LMX1A: variants seen among roughly 807,000 people sequenced by gnomAD.
LMX1A encodes LIM homeobox transcription factor 1-alpha.
In LMX1A, 15 loss-of-function variants were observed where a neutral mutation model predicts 49.1. The observed-to-expected ratio is 0.31, with a 90% confidence interval of 0.20 to 0.47. The LOEUF is 0.47. Among genes scored for constraint, LMX1A ranks in the 20% least tolerant of loss-of-function variants. The pLI is 1.00. For synonymous variants in LMX1A, 167 were observed against 185.7 expected (o/e 0.90, Z 0.82); for missense variants, 372 against 475.8 (o/e 0.78, Z 2.03).
chr1:165,292,937 TG>T (rs1485975900), intron 3 of LMX1A, among the ~76,000 whole-genome samples: 1 of 152,032 alleles, frequency 6.6e-6, no homozygotes, highest in Non-Finnish European at 1.5e-5. Context: ...GCAAACATAG[TG>T]AAACCATGTC....
rs1379135962 is a variant in LMX1A at position 165,208,022 on chromosome 1, G to A, written c.817+41C>T. On this transcript the variant is annotated intron_variant, in intron 7 of 8. Coordinates refer to ENST00000342310, the MANE Select transcript of LMX1A (RefSeq NM_177398.4). ...GGGAGGCCTCTGGTAGGAACAGCCT[G>A]GATTCCAGCCAGAACTGCCTGGGAG... 6 of 1,583,008 alleles carry A rather than the reference G, an allele frequency of 3.8e-6. No homozygotes were observed. The East Asian group carries it at 1.1e-4, about 30-fold the overall frequency.
intron 2 of LMX1A, among the ~76,000 whole-genome samples, chr1:165,354,399 C>A (rs1203955052): frequency 3.3e-5 from 5 of 152,150 alleles, no homozygotes; most frequent in Non-Finnish European, 7.3e-5. Flanking sequence ...TGAGAGCGAA[C>A]GTGGGCCGAG....
chr1:165,211,625 T>C (rs561640435), intron 5 of LMX1A, among the ~76,000 whole-genome samples: 43 of 152,316 alleles, frequency 2.8e-4, no homozygotes, highest in African/African-American at 1.0e-3. Flanking sequence ...ATACTTCCCC[T>C]TTATCATGCC....
intron 3 of LMX1A, among the ~76,000 whole-genome samples, chr1:165,273,370 A>C (rs767241510): frequency 6.6e-6 from 1 of 152,188 alleles, no homozygotes; most frequent in Non-Finnish European, 1.5e-5. Flanking sequence ...GCACCTCCTA[A>C]CAGCAAGTCC....
chr1:165,251,378 A>T (rs1052024682), intron 3 of LMX1A, among the ~76,000 whole-genome samples: 4 of 152,168 alleles, frequency 2.6e-5, no homozygotes, highest in Admixed American at 2.6e-4. Context: ...CCACTGCTCC[A>T]GGCTTGAATG....
intron 3 of LMX1A, among the ~76,000 whole-genome samples, chr1:165,322,109 A>G (rs1655404957): frequency 6.6e-6 from 1 of 152,186 alleles, no homozygotes; most frequent in Non-Finnish European, 1.5e-5. Context: ...GGAAATGCAA[A>G]TCAAAACCAG....
chr1:165,239,263 A>G (rs76622524), intron 4 of LMX1A, among the ~76,000 whole-genome samples: 5 of 152,388 alleles, frequency 3.3e-5, no homozygotes, highest in African/African-American at 1.2e-4. Context: ...TTTCAAAAAT[A>G]AAGTATGGTC....
intron 3 of LMX1A, among the ~76,000 whole-genome samples, chr1:165,296,652 G>A (rs1032721236): frequency 6.6e-6 from 1 of 152,210 alleles, no homozygotes; most frequent in African/African-American, 2.4e-5. Context: ...CCCCACCCAA[G>A]GTTCCTATAT....
intron 3 of LMX1A, among the ~76,000 whole-genome samples, chr1:165,330,720 A>G (rs993193713): frequency 6.6e-6 from 1 of 152,230 alleles, no homozygotes. Context: ...TAAGAAACTC[A>G]GATGGAAAAC....
chr1:165,343,379 G>A (rs1208228652), intron 3 of LMX1A, among the ~76,000 whole-genome samples: 1 of 150,952 alleles, frequency 6.6e-6, no homozygotes, highest in African/African-American at 2.4e-5. Context: ...CTATGTATAA[G>A]CTTTTACTCA....
At chr1:165,225,023 G>A (rs1215422958) in intron 4 of LMX1A, among the ~76,000 whole-genome samples, 1 of 152,246 alleles carries the variant, frequency 6.6e-6, no homozygotes, top group Non-Finnish European at 1.5e-5. Flanking sequence ...TAGGGATGGA[G>A]AGAAGGAGGG....
chr1:165,304,876 G>T (rs979928567), intron 3 of LMX1A, among the ~76,000 whole-genome samples: 1 of 152,106 alleles, frequency 6.6e-6, no homozygotes, highest in Non-Finnish European at 1.5e-5. Context: ...TGCCAAATCT[G>T]CTCAGGCATC....
intron 3 of LMX1A, among the ~76,000 whole-genome samples, chr1:165,289,248 A>C (rs2101713380): frequency 6.6e-6 from 1 of 152,280 alleles, no homozygotes; most frequent in African/African-American, 2.4e-5. Context: ...TTGATAAAAA[A>C]AAAAAAAGAG....
At chr1:165,220,167 C>A (rs1032707946) in intron 4 of LMX1A, among the ~76,000 whole-genome samples, 1 of 152,090 alleles carries the variant, frequency 6.6e-6, no homozygotes, top group Non-Finnish European at 1.5e-5. Flanking sequence ...AAAAGAAGAA[C>A]CCCTTGCTCT....
rs775890018 is a variant in LMX1A at position 165,353,067 on chromosome 1, G to A, written c.263+9C>T. ...GCGCGGGGAGCGCTGCGGGGGTGCG[G>A]CCACTTACTTCTCGTAGTCATACTT... On this transcript the variant is annotated intron_variant, in intron 3 of 8. Coordinates refer to ENST00000342310, the MANE Select transcript of LMX1A (RefSeq NM_177398.4). The A allele has an allele frequency of 1.2e-6, 2 of 1,613,576 alleles. No homozygotes were observed. Among genetic ancestry groups the A allele is most frequent in the Non-Finnish European group, 1.7e-6 (2 of 1,179,674 alleles).
intron 3 of LMX1A, among the ~76,000 whole-genome samples, chr1:165,349,618 C>CT (rs60205117): frequency 0.2 from 30,082 of 151,282 alleles, 3,254 homozygotes; most frequent in African/African-American, 0.28. Context: ...ACCTTAAATG[C>CT]TTTTTTTTTG....
chr1:165,272,084 T>C (rs1275161338), intron 3 of LMX1A, among the ~76,000 whole-genome samples: 1 of 152,094 alleles, frequency 6.6e-6, no homozygotes, highest in African/African-American at 2.4e-5. Flanking sequence ...TGTGCCATGG[T>C]GGTTTGCTGC....
chr1:165,242,484 T>G (rs2102630567), intron 4 of LMX1A, among the ~76,000 whole-genome samples: 1 of 150,490 alleles, frequency 6.6e-6, no homozygotes, highest in South Asian at 2.1e-4. Context: ...AAAAAAGCAT[T>G]TGGATCCCAT....
At chr1:165,205,315 G>T (rs756303987) in intron 8 of LMX1A, among the ~76,000 whole-genome samples, 1 of 152,168 alleles carries the variant, frequency 6.6e-6, no homozygotes, top group African/African-American at 2.4e-5. Context: ...AGTGGGAGAG[G>T]CTCAGCTACC....
Sources: gnomAD v4.1 joint callset for allele counts (sites outside exome capture counted in the v4.1 genomes callset) on GRCh38, gnomAD v4.1.1 for gene constraint, MANE v1.5 for transcripts, NCBI Gene and HGNC (gene_info 2026-07-23, HGNC 2026-07-21) for gene names.